The following VASP variants were observed in gnomAD, a reference collection of about 807,000 sequenced individuals.
VASP encodes vasodilator-stimulated phosphoprotein.
In VASP, 27 loss-of-function variants were observed where a neutral mutation model predicts 54.4. The ratio of observed to expected loss-of-function variants is 0.50; its 90% CI spans 0.37 to 0.68. The LOEUF (loss-of-function observed/expected upper bound fraction) is 0.68. Among genes scored for constraint, VASP ranks in the 30% least tolerant of loss-of-function variants. VASP has a pLI of 0.00. For missense variants in VASP, 488 were observed against 528.3 expected (o/e 0.92, Z 0.75); for synonymous variants, 233 against 209.8 (o/e 1.11, Z -0.96).
chr19:45,516,173 C>T (rs531957173), intron 1 of VASP, among the ~76,000 whole-genome samples: 1 of 152,312 alleles, frequency 6.6e-6, no homozygotes, highest in South Asian at 2.1e-4. Flanking sequence ...GGGTTGGTAC[C>T]GTCTGGGGAC....
chr19:45,522,315 GC>G, intron 5 of VASP, 24 bp from the exon 6 acceptor site: 6 of 1,612,382 alleles, frequency 3.7e-6, no homozygotes, highest in Non-Finnish European at 5.1e-6. Flanking sequence ...TCTCTCAGCT[GC>G]CCCCTTTTCT....
At chr19:45,520,344 G>A (rs540989118) in intron 3 of VASP, among the ~76,000 whole-genome samples, 28 of 152,278 alleles carry the variant, frequency 1.8e-4, no homozygotes, top group African/African-American at 6.3e-4. Flanking sequence ...GCTGGTCTGC[G>A]GACGTGACTG....
intron 3 of VASP, among the ~76,000 whole-genome samples, 161 bp from the exon 4 acceptor site, chr19:45,521,161 C>G (rs1206694236): frequency 6.6e-6 from 1 of 152,250 alleles, no homozygotes; most frequent in Non-Finnish European, 1.5e-5. Context: ...GCCTCACCTC[C>G]CAATGTGCGT....
intron 1 of VASP, among the ~76,000 whole-genome samples, chr19:45,515,298 G>A (rs1048228260): frequency 5.9e-5 from 9 of 152,134 alleles, no homozygotes; most frequent in African/African-American, 2.2e-4. Context: ...GTGTGGGTGG[G>A]GTGGGGAGGA....
At chr19:45,517,575 C>CA (rs1968730256) in intron 1 of VASP, 88 bp from the exon 2 acceptor site, 1 of 1,516,446 alleles carries the variant, frequency 6.6e-7, no homozygotes, top group Admixed American at 1.9e-5. Context: ...CTCTTCCTTC[C>CA]ACACACTGTC....
chr19:45,524,000 TG>T, intron 9 of VASP, 96 bp from the exon 10 acceptor site: 2 of 1,608,818 alleles, frequency 1.2e-6, no homozygotes, highest in Non-Finnish European at 1.7e-6. Context: ...TCTCCTGAGA[TG>T]GGGCTTTGAT....
chr19:45,512,072 C>G (rs941916727), intron 1 of VASP, among the ~76,000 whole-genome samples: 2 of 151,568 alleles, frequency 1.3e-5, no homozygotes, highest in African/African-American at 4.8e-5. Flanking sequence ...ATTGCTTGAA[C>G]CTGGGAGGTG....
intron 1 of VASP, among the ~76,000 whole-genome samples, chr19:45,512,436 C>T (rs1389756954): frequency 3.3e-5 from 5 of 151,776 alleles, no homozygotes; most frequent in South Asian, 2.1e-4. Flanking sequence ...TACAGGCACG[C>T]GCCACCACGC....
rs1002629051 is a variant in VASP, at chr19:45,510,042, A to C, written c.5+2266A>C. ...TGGAGCTGGGGTGCTGGGAAGACAG[A>C]GAAGCGAGGCAGAGGTCTAGAATCT... is the stretch of plus-strand genomic sequence containing the variant. On this transcript the variant is annotated intron_variant, in intron 1 of 12. Transcript: ENST00000245932. Among the ~76,000 whole-genome samples, 13 of 152,326 alleles carry C rather than the reference A, an allele frequency of 8.5e-5. No individual in the cohort carries two copies. In the East Asian group the frequency reaches 1.7e-3, roughly 20 times the overall value.
intron 1 of VASP, among the ~76,000 whole-genome samples, chr19:45,517,150 AAAT>A (rs1269662937): frequency 2.7e-5 from 4 of 150,246 alleles, no homozygotes; most frequent in East Asian, 2.0e-4. Flanking sequence ...ACAAAAATAA[AAAT>A]AATAATAATA....
intron 1 of VASP, among the ~76,000 whole-genome samples, chr19:45,514,576 G>A (rs1464259833): frequency 6.6e-6 from 1 of 152,204 alleles, no homozygotes; most frequent in Non-Finnish European, 1.5e-5. Flanking sequence ...GTTCCCTGGA[G>A]AGGGGCAAGA....
At position 45,526,249 on chromosome 19, in the gene VASP, C is replaced by T; in HGVS notation, c.*72C>T. On this transcript the variant is annotated 3_prime_UTR_variant, in exon 13 of 13. Coordinates refer to ENST00000245932, the MANE Select transcript of VASP (RefSeq NM_003370.4). ...TGTCACCCTGCTTTCCCTGCCTCTA[C>T]TTGACTTGGAATTGGCTGAAGACTA... 1 of 1,537,114 alleles carries T rather than the reference C, an allele frequency of 6.5e-7. No individual in the cohort carries two copies. Among genetic ancestry groups the T allele is most frequent in the South Asian group, 1.2e-5 (1 of 82,814 alleles).
At chr19:45,512,895 G>A (rs1024436065) in intron 1 of VASP, among the ~76,000 whole-genome samples, 1 of 152,092 alleles carries the variant, frequency 6.6e-6, no homozygotes, top group Non-Finnish European at 1.5e-5. Context: ...CACCGCACCC[G>A]ACCTTTTTTT....
intron 1 of VASP, among the ~76,000 whole-genome samples, chr19:45,513,242 TTGTGAGGGAGTCTTGCTC>T (rs112590592): frequency 0.16 from 24,353 of 151,388 alleles, 2,147 homozygotes; most frequent in East Asian, 0.34. Context: ...TTGCCTTTTT[TTGTGAGGGAGTCTTGCTC>T]TGTGAGGGAG....
At chr19:45,519,460 A>ATT (rs1257458286) in intron 3 of VASP, among the ~76,000 whole-genome samples, 6,544 of 140,642 alleles carry the variant, frequency 0.047, 300 homozygotes, top group East Asian at 0.22. Context: ...ATCATTTCAA[A>ATT]TTTTTTTTTT....
chr19:45,518,543 A>G (rs1055016077), intron 3 of VASP, among the ~76,000 whole-genome samples: 1 of 152,188 alleles, frequency 6.6e-6, no homozygotes, highest in Non-Finnish European at 1.5e-5. Flanking sequence ...GCCTGGCGAC[A>G]GAGCAAGATT....
intron 3 of VASP, among the ~76,000 whole-genome samples, chr19:45,519,669 C>T (rs1018775598): frequency 6.8e-5 from 10 of 147,994 alleles, no homozygotes; most frequent in Admixed American, 4.8e-4. Context: ...GATCTCCGCT[C>T]GCTGCAAGCT....
Position 45,524,136 on chromosome 19 carries a change from T to G in VASP, c.950T>G (p.Leu317Trp), listed in dbSNP as rs1299282573. The stretch of plus-strand genomic sequence containing the variant: ...CCCTGGGAGAAGAACAGCACAACCT[T>G]GCCAAGGTAGGCCATCGGTCCTGGG... Reference protein sequence around the residue: ...RRPWEKNSTTLPRMKSSSSVT... With the variant: ...RRPWEKNSTTWPRMKSSSSVT... Residue 317 changes from leucine (L) to tryptophan (W), a missense_variant, in exon 10 of 13, where the codon TTG becomes TGG. This residue lies in a region of VASP where 126 missense variants were observed against 134.8 expected (regional missense o/e 0.94). Coordinates refer to ENST00000245932, the MANE Select transcript of VASP (RefSeq NM_003370.4). 6.2e-7 allele frequency: 1 copy of G among 1,613,536 alleles called. No homozygotes were observed. Among genetic ancestry groups the G allele is most frequent in the East Asian group, 2.2e-5 (1 of 44,868 alleles).
chr19:45,526,325 G>C lies in VASP; in HGVS notation c.*148G>C. 9.9e-7 allele frequency: 1 copy of C among 1,009,690 alleles called. No homozygotes were observed. Among genetic ancestry groups the C allele is most frequent in the Non-Finnish European group, 1.4e-6 (1 of 721,588 alleles). The allele number at this position is 1,009,690 out of a possible 1,614,324, so 62.5% of individuals were successfully genotyped here. A position where few individuals can be genotyped will look rare whatever the true frequency, so the allele number is the denominator to read the frequency against. On this transcript the variant is annotated 3_prime_UTR_variant, in exon 13 of 13. Coordinates refer to ENST00000245932, the MANE Select transcript of VASP (RefSeq NM_003370.4). ...CCATCCCACTTGGAAAACTCCAAGG[G>C]GGTGTGGCTTCCCTGCTCACACCCA... is the stretch of plus-strand genomic sequence containing the variant.
Sources: allele counts gnomAD v4.1 joint callset (sites outside exome capture counted in the v4.1 genomes callset), GRCh38; gene constraint gnomAD v4.1.1; regional missense constraint gnomAD v4.1.1; transcripts MANE v1.5; gene names NCBI Gene and HGNC (gene_info 2026-07-23, HGNC 2026-07-21).